The following SPATA20 variants were observed in gnomAD, a reference collection of about 807,000 sequenced individuals.
SPATA20 encodes spermatogenesis associated 20.
A neutral mutation model predicts 98.9 loss-of-function variants in SPATA20; 74 were observed. The ratio of observed to expected loss-of-function variants is 0.75; its 90% CI spans 0.62 to 0.91. The LOEUF (loss-of-function observed/expected upper bound fraction) is 0.91, where lower values mean the gene tolerates loss of function less well. Among genes scored for constraint, SPATA20 ranks in the 40% least tolerant of loss-of-function variants. The pLI is 0.00. For missense variants in SPATA20, 1,016 were observed against 1,069.8 expected, an observed-to-expected ratio of 0.95 and a Z score of 0.70; for synonymous variants, 430 against 440.5, an observed-to-expected ratio of 0.98 and a Z score of 0.30.
chr17:50,549,590 C>T (rs2034977366), intron 7 of SPATA20, 103 bp downstream of exon 7: 6 of 1,230,562 alleles, frequency 4.9e-6, no homozygotes, highest in Non-Finnish European at 5.6e-6. Context: ...TCCTGTCCTC[C>T]TGACTGGCAG....
Position 50,551,604 on chromosome 17 carries a change from G to C in SPATA20, c.1670G>C (p.Arg557Pro), listed in dbSNP as rs753901538. The C allele has an allele frequency of 6.2e-6, 10 of 1,608,106 alleles. No homozygotes were observed. The highest frequency in any genetic ancestry group is 8.5e-6 in the Non-Finnish European group (10 of 1,175,424). ...ACCAATGGTGCCAAGTTCCTGAAGC[G>C]GCACATGTTTGATGTGGCCAGTGGC... is the stretch of plus-strand genomic sequence containing the variant. ...YATNGAKFLK[R>P]HMFDVASGRL... is the part of the protein sequence containing the mutation. Residue 557 changes from arginine to proline, a missense_variant, in exon 13 of 17, where the codon CGG becomes CCG. Physicochemically the swap from Arg to Pro is moderately radical, Grantham distance 103. Transcript: ENST00000006658.
rs1367532519 is a variant in SPATA20, at chr17:50,550,200, C to T, written c.994-8C>T. The T allele has an allele frequency of 1.2e-6, 2 of 1,612,666 alleles. No individual in the cohort carries two copies. The highest frequency in any genetic ancestry group is 1.7e-6 in the Non-Finnish European group (2 of 1,179,718). On this transcript the variant is annotated splice_polypyrimidine_tract_variant and splice_region_variant and intron_variant, in intron 8 of 16. Transcript: ENST00000006658. Reference sequence around the variant, plus strand: ...CTGGGACTGGCCTCCAGCTTTGTATCCGCACAGGGCTTTCACCGCTACTCC... The same window carrying T: ...CTGGGACTGGCCTCCAGCTTTGTATTCGCACAGGGCTTTCACCGCTACTCC...
In SPATA20 at chr17:50,551,148, C is replaced by A. The variant is rs763732292; in HGVS notation, c.1534C>A (p.Pro512Thr). ...GCTCTTCCAGGCCCGGAAGCATCGG[C>A]CCAAGCCGCACCTGGACAGCAAGAT... is the stretch of plus-strand genomic sequence containing the variant. Reference protein sequence around the residue: ...EKLFQARKHRPKPHLDSKMLA... With the variant: ...EKLFQARKHRTKPHLDSKMLA... The change falls in exon 12 of 17, where the codon CCC (proline) becomes ACC (threonine). Residue 512 changes from proline to threonine, a missense_variant. Coordinates refer to ENST00000006658, the MANE Select transcript of SPATA20 (RefSeq NM_022827.4). 3.8e-6 allele frequency: 6 copies of A among 1,573,796 alleles called. No homozygotes were observed. Among genetic ancestry groups the A allele is most frequent in the Middle Eastern group, 4.4e-4 (2 of 4,530 alleles).
chr17:50,555,472 C>G lies in SPATA20; in HGVS notation c.2239-20C>G. The G allele has an allele frequency of 6.2e-7, 1 of 1,613,430 alleles. No individual in the cohort carries two copies. Reference sequence around the variant, plus strand: ...ACCCCACCCCGGCAGGTGACTCTCCCTGCTCTGCTGCTGCCCTAGGTGCTG... The same window carrying G: ...ACCCCACCCCGGCAGGTGACTCTCCGTGCTCTGCTGCTGCCCTAGGTGCTG... On this transcript the variant is annotated intron_variant, in intron 16 of 16. Transcript: ENST00000006658.
rs1032636519 is a variant in SPATA20, at chr17:50,549,279, C to T, written c.661-7C>T. 1.2e-6 allele frequency: 2 copies of T among 1,608,342 alleles called. No individual in the cohort carries two copies. The highest frequency in any genetic ancestry group is 1.7e-5 in the Admixed American group (1 of 59,942). On this transcript the variant is annotated splice_polypyrimidine_tract_variant and splice_region_variant and intron_variant, in intron 6 of 16. Transcript: ENST00000006658. ...CTGACCTCCAGGTGTGCCCCCACCT[C>T]CCGCAGTGGAAACAGAACAAGAACA...
Position 50,547,291 on chromosome 17 carries a change from G to A in SPATA20, c.77+6G>A. 7.2e-7 allele frequency: 1 copy of A among 1,379,374 alleles called. No individual in the cohort carries two copies. The highest frequency in any genetic ancestry group is 9.3e-7 in the Non-Finnish European group (1 of 1,074,020). 85.4% of individuals were successfully genotyped at this position (1,379,374 alleles called of 1,614,324 possible). A position where few individuals can be genotyped will look rare whatever the true frequency, so the allele number is the denominator to read the frequency against. Reference sequence around the variant, plus strand: ...GGCCTCGCCGCGAGCCGCAGGTACGGGCGGGCGAGCGGGCCCCTAGGGCAC... The same window carrying A: ...GGCCTCGCCGCGAGCCGCAGGTACGAGCGGGCGAGCGGGCCCCTAGGGCAC... On this transcript the variant is annotated splice_donor_region_variant and intron_variant, in intron 1 of 16. Transcript: ENST00000006658.
Position 50,548,308 on chromosome 17 carries a change from CG to C in SPATA20, c.152del (p.Arg51GlnfsTer31). The C allele has an allele frequency of 5.6e-6, 9 of 1,613,608 alleles. No homozygotes were observed. Among genetic ancestry groups the C allele is most frequent in the Non-Finnish European group, 7.6e-6 (9 of 1,179,890 alleles). On this transcript the variant is annotated frameshift_variant, in exon 3 of 17. Transcript: ENST00000006658. LOFTEE classifies it high-confidence loss of function. ...GGGTAGCTCCTCCCGGGACAAGGACCGAAGTGCGACGGTCAGTAGTTCAGTG... is the reference window on the plus strand; with the variant it reads ...GGGTAGCTCCTCCCGGGACAAGGACCAAGTGCGACGGTCAGTAGTTCAGTG... ...SRGSSSRDKD[R>X]SATVSSSVPM...
At chr17:50,548,156 A>G in intron 2 of SPATA20, 127 bp from the exon 3 acceptor site, 1 of 1,493,208 alleles carries the variant, frequency 6.7e-7, no homozygotes, top group Non-Finnish European at 8.9e-7. Context: ...CCCATGGTTC[A>G]GAAAGGTGGG....
Position 50,547,730 on chromosome 17 carries a change from G to A in SPATA20, c.88G>A (p.Val30Ile), listed in dbSNP as rs139648420. 24 of 781,384 alleles carry A rather than the reference G, an allele frequency of 3.1e-5. No individual in the cohort carries two copies. Among genetic ancestry groups the A allele is most frequent in the Non-Finnish European group, 5.7e-5 (24 of 418,664 alleles). The allele number at this position is 781,384 out of a possible 1,614,324, so 48.4% of individuals were successfully genotyped here. A position where few individuals can be genotyped will look rare whatever the true frequency, so the allele number is the denominator to read the frequency against. The change falls in exon 2 of 17, where the codon GTC becomes ATC. Residue 30 changes from valine (V) to isoleucine (I), a missense_variant. Coordinates refer to ENST00000006658, the MANE Select transcript of SPATA20 (RefSeq NM_022827.4). ...GLAASRRCPGVWPRTWPHRSP... is the reference protein window; with the variant it reads ...GLAASRRCPGIWPRTWPHRSP... ...TCTCTGATTCCCTAGGTGTCCTGGA[G>A]TCTGGCCCAGGACCTGGCCCCACAG... is the stretch of plus-strand genomic sequence containing the variant.
In SPATA20 at chr17:50,552,075, C is replaced by T. The variant is rs563910166; in HGVS notation, c.1852C>T (p.Arg618Trp). ...GAGTGCGTGGCTCGAGTGGGCTCTG[C>T]GGCTGCAGGACACACAGGACAAGCT... ...QESAWLEWALRLQDTQDKLFW... is the reference protein window; with the variant it reads ...QESAWLEWALWLQDTQDKLFW... Residue 618 changes from arginine (R) to tryptophan (W), a missense_variant, in exon 14 of 17, where the codon CGG becomes TGG. Transcript: ENST00000006658. 1.1e-5 allele frequency: 17 copies of T among 1,613,716 alleles called. No individual in the cohort carries two copies. Among genetic ancestry groups the T allele is most frequent in the South Asian group, 4.4e-5 (4 of 91,054 alleles).
chr17:50,547,204 C>G lies in SPATA20; in HGVS notation c.-5C>G. 7.0e-7 allele frequency: 1 copy of G among 1,427,108 alleles called. No homozygotes were observed. The highest frequency in any genetic ancestry group is 9.1e-7 in the Non-Finnish European group (1 of 1,098,692). 88.4% of individuals were successfully genotyped at this position (1,427,108 alleles called of 1,614,324 possible). A position where few individuals can be genotyped will look rare whatever the true frequency, so the allele number is the denominator to read the frequency against. Reference sequence around the variant, plus strand: ...CAGCGGCCGGGCCCACGGCCCCGAGCAGCCATGCTGGGCGCGCGGGCCTGG... The same window carrying G: ...CAGCGGCCGGGCCCACGGCCCCGAGGAGCCATGCTGGGCGCGCGGGCCTGG... On this transcript the variant is annotated 5_prime_UTR_variant, in exon 1 of 17. Transcript: ENST00000006658.
At chr17:50,547,893 C>A in intron 2 of SPATA20, 126 bp downstream of exon 2, 3 of 1,345,848 alleles carry the variant, frequency 2.2e-6, no homozygotes, top group Non-Finnish European at 3.1e-6. Flanking sequence ...CCAGTGGGGC[C>A]ACACCCAGGC....
At chr17:50,548,778 GC>G in intron 4 of SPATA20, 31 bp from the exon 5 acceptor site, 2 of 1,600,162 alleles carry the variant, frequency 1.2e-6, no homozygotes, top group Non-Finnish European at 1.7e-6. Flanking sequence ...CCCGTTGCTG[GC>G]CCCCTGACCT....
chr17:50,547,319 C>T, intron 1 of SPATA20, 34 bp downstream of exon 1: 1 of 1,401,636 alleles, frequency 7.1e-7, no homozygotes, highest in Non-Finnish European at 9.3e-7. Context: ...TAGGGCACTC[C>T]CTGCGCCTGC....
At chr17:50,549,260 T>C in intron 6 of SPATA20, 26 bp from the exon 7 acceptor site, 1 of 1,604,662 alleles carries the variant, frequency 6.2e-7, no homozygotes, top group Non-Finnish European at 8.5e-7. Flanking sequence ...CTAGCTGACC[T>C]CCAGGTGTGC....
Position 50,549,292 on chromosome 17 carries a change from CAG to C in SPATA20, c.669_670del (p.Asn224GlnfsTer8), listed in dbSNP as rs1439485248. The C allele has an allele frequency of 1.2e-5, 20 of 1,610,158 alleles. No individual in the cohort carries two copies. Among genetic ancestry groups the C allele is most frequent in the Admixed American group, 1.7e-5 (1 of 59,970 alleles). ...GTGCCCCCACCTCCCGCAGTGGAAA[CAG>C]AACAAGAACACCCTGCTAGAAAATA... The part of the protein sequence containing the change: ...VLLRIREQWK[Q>X]NKNTLLENSQ... On this transcript the variant is annotated frameshift_variant, in exon 7 of 17. Transcript: ENST00000006658. LOFTEE classifies it high-confidence loss of function.
At position 50,552,188 on chromosome 17, in the gene SPATA20, G is replaced by A; in HGVS notation, c.1957+8G>A. The A allele has an allele frequency of 6.2e-7, 1 of 1,612,822 alleles. No homozygotes were observed. Among genetic ancestry groups the A allele is most frequent in the Non-Finnish European group, 8.5e-7 (1 of 1,179,604 alleles). On this transcript the variant is annotated splice_region_variant and intron_variant, in intron 14 of 16. Coordinates refer to ENST00000006658, the MANE Select transcript of SPATA20 (RefSeq NM_022827.4). Reference sequence around the variant, plus strand: ...CCCTGCGTCTGAAGGACGGTCAGTGGGGGTGCAGGGCTAGTCTGGGGTCCT... The same window carrying A: ...CCCTGCGTCTGAAGGACGGTCAGTGAGGGTGCAGGGCTAGTCTGGGGTCCT...
Position 50,554,304 on chromosome 17 carries a change from C to T in SPATA20, c.2011C>T (p.Arg671Trp), listed in dbSNP as rs747135530. 4.8e-5 allele frequency: 77 copies of T among 1,614,090 alleles called. No homozygotes were observed. The Admixed American group carries it at 6.2e-4, about 13-fold the overall frequency. Residue 671 changes from arginine to tryptophan, a missense_variant, in exon 15 of 17, where the codon CGG (arginine) becomes TGG (tryptophan). Arg to Trp is a moderately radical substitution (Grantham distance 101). Transcript: ENST00000006658. Reference sequence around the variant, plus strand: ...TTCCGTGTCAGCCCACAACCTGCTCCGGCTGCATGGCTTCACGGGCCACAA... The same window carrying T: ...TTCCGTGTCAGCCCACAACCTGCTCTGGCTGCATGGCTTCACGGGCCACAA... The part of the protein sequence containing the change: ...ANSVSAHNLL[R>W]LHGFTGHKDW...
Position 50,551,024 on chromosome 17 carries a change from G to C in SPATA20, c.1410G>C (p.Gln470His). The change falls in exon 12 of 17, where the codon CAG (glutamine) becomes CAC (histidine). Residue 470 changes from glutamine (Q) to histidine (H), a missense_variant. By Grantham distance (24) the Gln-to-His change is conservative (BLOSUM62 0). Transcript: ENST00000006658. ...SQDPKGELQGQNVLTVRYSLE... is the reference protein window; with the variant it reads ...SQDPKGELQGHNVLTVRYSLE... Reference sequence around the variant, plus strand: ...ACCCCAAGGGGGAGCTGCAGGGCCAGAATGTGCTGACCGTCCGGTACTCGC... The same window carrying C: ...ACCCCAAGGGGGAGCTGCAGGGCCACAATGTGCTGACCGTCCGGTACTCGC... 1 of 1,613,436 alleles carries C rather than the reference G, an allele frequency of 6.2e-7. No homozygotes were observed. The highest frequency in any genetic ancestry group is 8.5e-7 in the Non-Finnish European group (1 of 1,180,016).
Sources: gnomAD v4.1 joint callset for allele counts on GRCh38, gnomAD v4.1.1 for gene constraint, MANE v1.5 for transcripts, NCBI Gene and HGNC (gene_info 2026-07-23, HGNC 2026-07-21) for gene names.